The following EDNRB variants were observed in gnomAD, a reference collection of about 807,000 sequenced individuals.
EDNRB encodes Hirschsprung disease 2.
A neutral mutation model predicts 46.4 loss-of-function variants in EDNRB; 18 were observed. That is an observed-to-expected ratio of 0.39 (90% confidence interval 0.27 to 0.57). The LOEUF (loss-of-function observed/expected upper bound fraction) is 0.57, where lower values mean the gene tolerates loss of function less well. Among genes scored for constraint, EDNRB ranks in the 20% least tolerant of loss-of-function variants. The pLI, the probability that EDNRB is intolerant of heterozygous loss-of-function variation, is 0.61. For missense variants in EDNRB, 434 were observed against 537.5 expected, an observed-to-expected ratio of 0.81 and a Z score of 1.90; for synonymous variants, 213 against 204.9, an observed-to-expected ratio of 1.04 and a Z score of -0.34.
intron 1 of EDNRB, among the ~76,000 whole-genome samples, chr13:77,938,938 C>T (rs754729813): frequency 1.1e-4 from 16 of 152,210 alleles, no homozygotes; most frequent in Non-Finnish European, 2.1e-4. Context: ...GGGGATTGAT[C>T]TCCCAAGGGA....
chr13:77,955,653 A>C (rs1330610000), intron 1 of EDNRB, among the ~76,000 whole-genome samples: 1 of 152,156 alleles, frequency 6.6e-6, no homozygotes, highest in Non-Finnish European at 1.5e-5. Context: ...TTTGTGTACC[A>C]TGTAAGATAA....
intron 1 of EDNRB, among the ~76,000 whole-genome samples, chr13:77,926,884 G>T (rs1248927621): frequency 4.6e-5 from 7 of 152,242 alleles, no homozygotes; most frequent in Non-Finnish European, 1.5e-5. Flanking sequence ...GGAGGCGAAA[G>T]ACACTTCTTA....
intron 1 of EDNRB, among the ~76,000 whole-genome samples, chr13:77,947,189 C>T (rs1031433273): frequency 6.6e-6 from 1 of 152,054 alleles, no homozygotes; most frequent in African/African-American, 2.4e-5. Context: ...ATCATTATCA[C>T]TAAAATACTA....
chr13:77,918,852 G>A (rs1879962029), upstream of EDNRB: 1 of 1,295,874 alleles, frequency 7.7e-7, no homozygotes, highest in Non-Finnish European at 9.7e-7. This position sits in a 1 kb window ranked among gnomAD's most constrained non-coding sequence, Gnocchi z 4.5. Flanking sequence ...GCCAGGAGGG[G>A]TAAATAATAT....
chr13:77,944,466 GT>G (rs59140390), intron 1 of EDNRB, among the ~76,000 whole-genome samples: 30,496 of 149,976 alleles, frequency 0.2, 3,569 homozygotes, highest in East Asian at 0.53. Flanking sequence ...ATATTTACAA[GT>G]TTTTTTTTTA....
intron 6 of EDNRB, among the ~76,000 whole-genome samples, chr13:77,898,710 G>A (rs953151074): frequency 6.6e-6 from 1 of 151,890 alleles, no homozygotes; most frequent in Non-Finnish European, 1.5e-5. Context: ...ATATGTGCAT[G>A]TGCTGGAGAA....
intron 1 of EDNRB, among the ~76,000 whole-genome samples, chr13:77,950,001 C>G (rs1881043050): frequency 1.3e-5 from 2 of 152,160 alleles, no homozygotes; most frequent in African/African-American, 4.8e-5. Context: ...TGCTATACCT[C>G]CTGCCTGATA....
intron 1 of EDNRB, chr13:77,944,882 T>C (rs1248461837): frequency 6.6e-6 from 1 of 152,108 alleles, no homozygotes; most frequent in Non-Finnish European, 1.5e-5. Context: ...ACCTAACAAA[T>C]AGACATGGGA....
At chr13:77,916,294 G>A (rs1415140341) in intron 1 of EDNRB, among the ~76,000 whole-genome samples, 1 of 152,108 alleles carries the variant, frequency 6.6e-6, no homozygotes, top group African/African-American at 2.4e-5. Flanking sequence ...TTCTCAATTC[G>A]GTTTTGATGA....
chr13:77,896,510 T>C lies in EDNRB; in HGVS notation c.*1690A>G, dbSNP rs1438353920. 2 of 1,580,488 alleles carry C rather than the reference T, an allele frequency of 1.3e-6. No individual in the cohort carries two copies. Among genetic ancestry groups the C allele is most frequent in the Admixed American group, 1.8e-5 (1 of 56,658 alleles). ...TGGTTTACTGTACCATCACATTCAATATTGACAGAAAACAACATTACTAGC... is the reference window on the plus strand; with the variant it reads ...TGGTTTACTGTACCATCACATTCAACATTGACAGAAAACAACATTACTAGC... On this transcript the variant is annotated 3_prime_UTR_variant, in exon 7 of 7. Coordinates refer to ENST00000646607, the MANE Select transcript of EDNRB (RefSeq NM_001122659.3).
intron 1 of EDNRB, among the ~76,000 whole-genome samples, chr13:77,936,628 C>T (rs1880573676): frequency 6.6e-6 from 1 of 152,174 alleles, no homozygotes; most frequent in African/African-American, 2.4e-5. Context: ...AGTCAGAGAG[C>T]CTTGGGCCAG....
At chr13:77,915,072 T>C (rs1168524038) in intron 1 of EDNRB, among the ~76,000 whole-genome samples, 1 of 152,198 alleles carries the variant, frequency 6.6e-6, no homozygotes, top group Non-Finnish European at 1.5e-5. Context: ...CATATTAGGA[T>C]ATATTAAATA....
chr13:77,907,550 C>T (rs964764613), intron 1 of EDNRB, among the ~76,000 whole-genome samples: 4 of 151,978 alleles, frequency 2.6e-5, no homozygotes, highest in Non-Finnish European at 5.9e-5. Context: ...ATCTATCTAT[C>T]CCACTGGTTC....
At chr13:77,922,835 T>A (rs987171070), upstream of EDNRB, among the ~76,000 whole-genome samples, 2 of 152,214 alleles carry the variant, frequency 1.3e-5, no homozygotes, top group Non-Finnish European at 2.9e-5. Flanking sequence ...CCTAAGGGGC[T>A]CTTTGAAAAT....
chr13:77,960,658 T>C (rs193242762), intron 1 of EDNRB, among the ~76,000 whole-genome samples: 8 of 152,280 alleles, frequency 5.3e-5, no homozygotes, highest in African/African-American at 1.9e-4. Context: ...GTTATCATCA[T>C]AATTGGCAGG....
In EDNRB at chr13:77,929,465, G is replaced by A. The variant is rs188600251; in HGVS notation, c.-51-10841C>T. ...CTTTAGGTGGCCTTTATTTTCCTAAGAGAACATTATCATAGATTTCCCCTT... is the reference window on the plus strand; with the variant it reads ...CTTTAGGTGGCCTTTATTTTCCTAAAAGAACATTATCATAGATTTCCCCTT... On this transcript the variant is annotated intron_variant, in intron 1 of 7. Coordinates refer to the EDNRB transcript ENST00000646948. Among the ~76,000 whole-genome samples the A allele has an allele frequency of 5.3e-4, 80 of 152,254 alleles. 1 individual carries two copies. The highest frequency in any genetic ancestry group is 1.6e-3 in the African/African-American group (67 of 41,550).
At chr13:77,916,054 A>T (rs1333140539) in intron 1 of EDNRB, among the ~76,000 whole-genome samples, 2 of 152,214 alleles carry the variant, frequency 1.3e-5, no homozygotes, top group African/African-American at 4.8e-5. Context: ...TGGAGGCAGC[A>T]CACCAGAACT....
chr13:77,910,004 CCTCT>C (rs1178476814), intron 1 of EDNRB, among the ~76,000 whole-genome samples: 1 of 151,840 alleles, frequency 6.6e-6, no homozygotes, highest in African/African-American at 2.4e-5. Flanking sequence ...CCTCTCCCAC[CCTCT>C]CTCTCCTACT....
upstream of EDNRB, among the ~76,000 whole-genome samples, chr13:77,923,015 A>G (rs987218553): frequency 6.6e-6 from 1 of 152,174 alleles, no homozygotes; most frequent in Admixed American, 6.5e-5. Context: ...TAAATGAGAG[A>G]ATCTGACATT....
Sources: allele counts gnomAD v4.1 joint callset (sites outside exome capture counted in the v4.1 genomes callset), GRCh38; gene constraint gnomAD v4.1.1; non-coding constraint Gnocchi (gnomAD v3.1); transcripts MANE v1.5; gene names NCBI Gene and HGNC (gene_info 2026-07-23, HGNC 2026-07-21).